Variants in OSBPL5 observed in about 807,000 individuals in gnomAD.
OSBPL5 encodes oxysterol-binding protein-related protein 5.
In OSBPL5, 71 loss-of-function variants were observed where a neutral mutation model predicts 111.2. The ratio of observed to expected loss-of-function variants is 0.64; its 90% CI spans 0.53 to 0.78. The LOEUF (loss-of-function observed/expected upper bound fraction) is 0.78. OSBPL5 is among the 30% of genes least tolerant of loss of function. The pLI is 0.00. For missense variants in OSBPL5, 1,210 were observed against 1,189.3 expected, an observed-to-expected ratio of 1.02 and a Z score of -0.26; for synonymous variants, 549 against 513.9, an observed-to-expected ratio of 1.07 and a Z score of -0.93.
intron 10 of OSBPL5, 129 bp from the exon 11 acceptor site, chr11:3,103,449 C>A: frequency 6.7e-6 from 5 of 745,996 alleles, no homozygotes; most frequent in Non-Finnish European, 1.1e-5. Flanking sequence ...TTGGCCCAGG[C>A]GCTCTGGTCA....
chr11:3,145,022 C>A (rs369933280), intron 1 of OSBPL5, among the ~76,000 whole-genome samples: 13 of 152,240 alleles, frequency 8.5e-5, no homozygotes, highest in Non-Finnish European at 1.8e-4. Context: ...TCTAGCCCAG[C>A]GGAGGCCTTT....
chr11:3,133,416 C>A (rs1845865087), intron 1 of OSBPL5, among the ~76,000 whole-genome samples: 1 of 152,244 alleles, frequency 6.6e-6, no homozygotes, highest in South Asian at 2.1e-4. Flanking sequence ...ATCGCCACTG[C>A]CCTGCACTGC....
chr11:3,114,066 T>C (rs1167346568), intron 7 of OSBPL5, among the ~76,000 whole-genome samples: 1 of 152,194 alleles, frequency 6.6e-6, no homozygotes, highest in Non-Finnish European at 1.5e-5. Flanking sequence ...TAATTTAGAA[T>C]TTAAAGTTAG....
chr11:3,143,710 C>T (rs540374733), intron 1 of OSBPL5, among the ~76,000 whole-genome samples: 3 of 152,322 alleles, frequency 2.0e-5, no homozygotes, highest in Admixed American at 6.5e-5. Flanking sequence ...GGTTCTGTCC[C>T]GGTTTCCTGG....
intron 7 of OSBPL5, among the ~76,000 whole-genome samples, chr11:3,112,471 TTC>T (rs1199330772): frequency 8.5e-5 from 5 of 58,570 alleles, no homozygotes; most frequent in African/African-American, 1.2e-4. Context: ...GTTTTGTGTT[TTC>T]TTTTCTTTTT....
rs1430242267 is a variant in OSBPL5, at chr11:3,092,835, C to A, written c.2132+32G>T. ...GCCCGTCTGCTAGGCCCAGCCCCAC[C>A]CTGTGGCCCCCAGGGCTTTGTCGGC... is the stretch of plus-strand genomic sequence containing the variant. On this transcript the variant is annotated intron_variant, in intron 18 of 21. Coordinates refer to ENST00000263650, the MANE Select transcript of OSBPL5 (RefSeq NM_020896.4). This position sits in a 1 kb window ranked among gnomAD's most constrained non-coding sequence, Gnocchi z 5.4. The A allele has an allele frequency of 4.7e-6, 7 of 1,501,416 alleles. No homozygotes were observed. The highest frequency in any genetic ancestry group is 6.3e-6 in the Non-Finnish European group (7 of 1,116,556). The allele number at this position is 1,501,416 out of a possible 1,614,324, so 93.0% of individuals were successfully genotyped here.
At chr11:3,137,031 GAAGGACAGCAGCCATCAGTTA>G (rs999206447) in intron 1 of OSBPL5, among the ~76,000 whole-genome samples, 16 of 152,226 alleles carry the variant, frequency 1.1e-4, no homozygotes, top group Admixed American at 3.9e-4. Context: ...GGGTCCCAAG[GAAGGACAGCAGCCATCAGTTA>G]AAGGACAGCA....
At chr11:3,099,618 A>G (rs551017413) in intron 14 of OSBPL5, among the ~76,000 whole-genome samples, 18 of 152,248 alleles carry the variant, frequency 1.2e-4, no homozygotes, top group Non-Finnish European at 2.4e-4. Flanking sequence ...CAAGGCAAGG[A>G]AAATATCTTC....
chr11:3,113,731 C>T lies in OSBPL5; in HGVS notation c.692-5786G>A, dbSNP rs185362073. 1.1e-4 allele frequency among the ~76,000 whole-genome samples: 17 copies of T among 152,278 alleles called. No homozygotes were observed. The highest frequency in any genetic ancestry group is 1.1e-3 in the Admixed American group (17 of 15,302). On this transcript the variant is annotated intron_variant, in intron 7 of 21. Coordinates refer to ENST00000263650, the MANE Select transcript of OSBPL5 (RefSeq NM_020896.4). The surrounding 1 kb of genome is among the most constrained non-coding windows in gnomAD (Gnocchi z 4.8). Reference sequence around the variant, plus strand: ...TAGTAAGATTACCATAACTTCTAATCTGGTGGCTTTAGGTAGTCTAGTCCA... The same window carrying T: ...TAGTAAGATTACCATAACTTCTAATTTGGTGGCTTTAGGTAGTCTAGTCCA...
chr11:3,104,101 C>T lies in OSBPL5; in HGVS notation c.1244+92G>A. Reference sequence around the variant, plus strand: ...GATCAGCCATGGGATTCTCTGGAAGCCCCCACAGGGCAGGTAGGGGCTGGG... The same window carrying T: ...GATCAGCCATGGGATTCTCTGGAAGTCCCCACAGGGCAGGTAGGGGCTGGG... On this transcript the variant is annotated intron_variant, in intron 10 of 21. Coordinates refer to ENST00000263650, the MANE Select transcript of OSBPL5 (RefSeq NM_020896.4). The surrounding 1 kb of genome is among the most constrained non-coding windows in gnomAD (Gnocchi z 5.0). 7.2e-7 allele frequency: 1 copy of T among 1,389,850 alleles called. No individual in the cohort carries two copies. The allele number at this position is 1,389,850 out of a possible 1,614,324, so 86.1% of individuals were successfully genotyped here. A position where few individuals can be genotyped will look rare whatever the true frequency, so the allele number is the denominator to read the frequency against.
chr11:3,088,391 G>A (rs1351102886), intron 21 of OSBPL5, 48 bp from the exon 22 acceptor site: 3 of 1,464,944 alleles, frequency 2.0e-6, no homozygotes, highest in Non-Finnish European at 1.8e-6. Context: ...ATGCCAGCAA[G>A]TCCCCCTCCC....
intron 1 of OSBPL5, among the ~76,000 whole-genome samples, chr11:3,137,697 TACTC>T (rs1845988049): frequency 6.6e-6 from 1 of 152,172 alleles, no homozygotes; most frequent in African/African-American, 2.4e-5. Context: ...TGGTCCCAGT[TACTC>T]AGGAGGCTGA....
chr11:3,159,068 C>G (rs1846875436), intron 1 of OSBPL5, among the ~76,000 whole-genome samples: 2 of 152,142 alleles, frequency 1.3e-5, no homozygotes, highest in South Asian at 2.1e-4. Flanking sequence ...CAGAGGGGAG[C>G]CTGTCAGATG....
chr11:3,112,614 G>A (rs557327820), intron 7 of OSBPL5, among the ~76,000 whole-genome samples: 4 of 151,906 alleles, frequency 2.6e-5, no homozygotes, highest in Non-Finnish European at 5.9e-5. Context: ...AAAGCATCAC[G>A]TGGTCTAACC....
chr11:3,120,745 C>G, intron 5 of OSBPL5, 121 bp from the exon 6 acceptor site: 1 of 974,558 alleles, frequency 1.0e-6, no homozygotes, highest in Non-Finnish European at 1.5e-6. Context: ...CCCTTCCCCT[C>G]CCTCACTCCC....
At position 3,125,629 on chromosome 11, in the gene OSBPL5, C is replaced by T. The variant is rs191972191; in HGVS notation, c.219+844G>A. On this transcript the variant is annotated intron_variant, in intron 3 of 21. Transcript: ENST00000263650. ...GGCCATCCTGGCTAACACGGTGAAA[C>T]CCGTCTCTACTAAAAATACAAAAAA... Among the ~76,000 whole-genome samples, 225 of 152,262 alleles carry T rather than the reference C, an allele frequency of 1.5e-3. 5 individuals are homozygous for T. In the South Asian group the frequency reaches 0.04, roughly 27 times the overall value.
At chr11:3,103,046 G>C (rs1231757263) in intron 11 of OSBPL5, among the ~76,000 whole-genome samples, 193 bp downstream of exon 11, 1 of 152,162 alleles carries the variant, frequency 6.6e-6, no homozygotes, top group East Asian at 1.9e-4. Flanking sequence ...GCCATCCAGG[G>C]CCCCAACTGT....
At chr11:3,149,893 C>G (rs1298198641) in intron 1 of OSBPL5, among the ~76,000 whole-genome samples, 1 of 152,214 alleles carries the variant, frequency 6.6e-6, no homozygotes, top group East Asian at 1.9e-4. Context: ...TTGCATTCCT[C>G]TTTCATCCTG....
intron 1 of OSBPL5, among the ~76,000 whole-genome samples, chr11:3,147,712 G>C (rs1310323852): frequency 2.0e-5 from 3 of 152,256 alleles, no homozygotes; most frequent in African/African-American, 7.2e-5. Context: ...GCATTTATGG[G>C]AGTGAGCGTG....
Sources: gnomAD v4.1 joint callset for allele counts (sites outside exome capture counted in the v4.1 genomes callset) on GRCh38, gnomAD v4.1.1 for gene constraint, Gnocchi (gnomAD v3.1) non-coding constraint, MANE v1.5 for transcripts, NCBI Gene and HGNC (gene_info 2026-07-23, HGNC 2026-07-21) for gene names.